Variants in RERE observed in about 807,000 individuals in gnomAD.
RERE encodes the protein arginine-glutamic acid dipeptide repeats protein.
A neutral mutation model predicts 146.1 loss-of-function variants in RERE; 40 were observed. The observed-to-expected ratio is 0.27, with a 90% CI of 0.21 to 0.36. The LOEUF (loss-of-function observed/expected upper bound fraction) is 0.36, where lower values mean the gene tolerates loss of function less well. RERE is among the 10% of genes least tolerant of loss of function. The pLI is 1.00. For synonymous variants in RERE, 1,003 were observed against 866.0 expected (o/e 1.16, Z -2.78); for missense variants, 1,933 against 2,138.7 (o/e 0.90, Z 1.90).
rs987115689 is a variant in RERE at position 8,690,820 on chromosome 1, A to G, written c.-144-34379T>C. Among the ~76,000 whole-genome samples the G allele has an allele frequency of 3.3e-5, 5 of 152,358 alleles. No individual in the cohort carries two copies. In the East Asian group the frequency reaches 9.6e-4, roughly 29 times the overall value. ...GATGAAACCATGAATGAGCTGCTAC[A>G]TAAAAGTATGTATTCATGTTCATTT... is the stretch of plus-strand genomic sequence containing the variant. On this transcript the variant is annotated intron_variant, in intron 1 of 22. Coordinates refer to ENST00000400908, the MANE Select transcript of RERE (RefSeq NM_001042681.2).
At chr1:8,404,310 G>A (rs749454121) in intron 12 of RERE, among the ~76,000 whole-genome samples, 8 of 152,008 alleles carry the variant, frequency 5.3e-5, no homozygotes, top group African/African-American at 1.4e-4. Context: ...CCAGGTACTC[G>A]GAGAGGCTGA....
chr1:8,416,539 C>T (rs530731628), intron 12 of RERE, among the ~76,000 whole-genome samples: 21 of 141,642 alleles, frequency 1.5e-4, no homozygotes, highest in African/African-American at 5.0e-4. Flanking sequence ...TGAGCCGAGA[C>T]TGCATAACTG....
rs74564658 is a variant in RERE, at chr1:8,579,766, G to T, written c.523-22243C>A. Among the ~76,000 whole-genome samples the T allele has an allele frequency of 5.7e-3, 866 of 152,368 alleles. 47 individuals carry two copies. In the East Asian group the frequency reaches 0.13, roughly 24 times the overall value. On this transcript the variant is annotated intron_variant, in intron 4 of 22. Transcript: ENST00000400908. ...CGCCTGTAATCCCAACACTCTGGGAGGCCAAGGCAGGTGGCTCACCGGAGG... is the reference window on the plus strand; with the variant it reads ...CGCCTGTAATCCCAACACTCTGGGATGCCAAGGCAGGTGGCTCACCGGAGG...
intron 8 of RERE, among the ~76,000 whole-genome samples, chr1:8,508,365 A>C (rs1163137546): frequency 1.3e-5 from 2 of 152,210 alleles, no homozygotes; most frequent in African/African-American, 2.4e-5. Context: ...TCAGTTTTGC[A>C]AGATAGAAAG....
chr1:8,483,803 A>C (rs1644864989), intron 10 of RERE, among the ~76,000 whole-genome samples: 1 of 152,234 alleles, frequency 6.6e-6, no homozygotes, highest in Non-Finnish European at 1.5e-5. Context: ...ATAAATAAGC[A>C]AACAAACATG....
chr1:8,488,172 T>G (rs1557654581), intron 10 of RERE, among the ~76,000 whole-genome samples: 1 of 152,090 alleles, frequency 6.6e-6, no homozygotes, highest in East Asian at 1.9e-4. Context: ...ATTGTTAGGA[T>G]GTCAGTATTT....
At chr1:8,744,743 C>A (rs1461799421) in intron 1 of RERE, among the ~76,000 whole-genome samples, 1 of 152,166 alleles carries the variant, frequency 6.6e-6, no homozygotes. Context: ...TTCTACACTG[C>A]ATTTTGTGGT....
chr1:8,738,556 T>C (rs1003564081), intron 1 of RERE, among the ~76,000 whole-genome samples: 8 of 151,856 alleles, frequency 5.3e-5, no homozygotes, highest in African/African-American at 1.9e-4. Flanking sequence ...TCCCCACCCC[T>C]CAAGGCAGAG....
intron 6 of RERE, 44 bp downstream of exon 6, chr1:8,556,431 A>T: frequency 8.9e-7 from 1 of 1,128,858 alleles, no homozygotes; most frequent in South Asian, 1.2e-5. Flanking sequence ...TCCTGCACTC[A>T]GTGACTCCTC....
intron 1 of RERE, among the ~76,000 whole-genome samples, chr1:8,749,125 G>C (rs1337093538): frequency 6.6e-6 from 1 of 152,036 alleles, no homozygotes; most frequent in Non-Finnish European, 1.5e-5. Flanking sequence ...TTTGGATAAA[G>C]AATTGAAGAG....
chr1:8,365,409 A>C (rs1641766346), intron 13 of RERE, among the ~76,000 whole-genome samples: 1 of 152,204 alleles, frequency 6.6e-6, no homozygotes, highest in Admixed American at 6.5e-5. Context: ...AGGAGGAAAA[A>C]GAAGAAAGTG....
At chr1:8,488,733 T>C (rs768735667) in intron 10 of RERE, among the ~76,000 whole-genome samples, 4 of 151,700 alleles carry the variant, frequency 2.6e-5, no homozygotes, top group Admixed American at 6.6e-5. Flanking sequence ...TGAGACAGAA[T>C]AGAATCCAGA....
intron 11 of RERE, among the ~76,000 whole-genome samples, chr1:8,434,029 A>G (rs1644133908): frequency 6.6e-6 from 1 of 152,168 alleles, no homozygotes; most frequent in African/African-American, 2.4e-5. Flanking sequence ...AGGTAGATCT[A>G]ATATAATCCT....
At chr1:8,805,232 G>A (rs1027253945) in intron 1 of RERE, among the ~76,000 whole-genome samples, 1 of 151,906 alleles carries the variant, frequency 6.6e-6, no homozygotes, top group Non-Finnish European at 1.5e-5. Flanking sequence ...ATTTTGGGGG[G>A]CCAGGCGCAA....
chr1:8,557,480 C>T lies in RERE; in HGVS notation c.566G>A (p.Arg189His). 1 of 1,613,582 alleles carries T rather than the reference C, an allele frequency of 6.2e-7. No homozygotes were observed. Among genetic ancestry groups the T allele is most frequent in the Non-Finnish European group, 8.5e-7 (1 of 1,179,522 alleles). ...CACAGAATCTGGAACCTCAGATTGA[C>T]GGTAGTACCATTTGACGTTCATGAG... ...HLLMNVKWYY[R>H]QSEVPDSVYQ... Residue 189 changes from arginine (R) to histidine (H), a missense_variant, in exon 5 of 23, where the codon CGT becomes CAT. Coordinates refer to ENST00000400908, the MANE Select transcript of RERE (RefSeq NM_001042681.2).
rs540087060 is a variant in RERE, at chr1:8,697,200, C to T, written c.-144-40759G>A. Among the ~76,000 whole-genome samples, 21 of 152,236 alleles carry T rather than the reference C, an allele frequency of 1.4e-4. 1 individual carries two copies. In the East Asian group the frequency reaches 3.5e-3, roughly 25 times the overall value. The stretch of plus-strand genomic sequence containing the variant: ...TAGGTAAATAGCCAAAAAACATACA[C>T]ATAAGATGAAAACTTGTCTGCGTCA... On this transcript the variant is annotated intron_variant, in intron 1 of 22. Coordinates refer to ENST00000400908, the MANE Select transcript of RERE (RefSeq NM_001042681.2).
chr1:8,370,903 C>A (rs564234155), intron 12 of RERE, among the ~76,000 whole-genome samples: 31 of 152,330 alleles, frequency 2.0e-4, no homozygotes, highest in African/African-American at 7.2e-4. Flanking sequence ...GGCAGCCTTG[C>A]AAATTAGCTC....
intron 10 of RERE, among the ~76,000 whole-genome samples, chr1:8,491,246 GC>G (rs1432308904): frequency 6.3e-5 from 9 of 143,924 alleles, no homozygotes; most frequent in African/African-American, 2.7e-4. Flanking sequence ...TTCGAGACCA[GC>G]CTGACCAACA....
intron 1 of RERE, among the ~76,000 whole-genome samples, chr1:8,708,072 C>T (rs189421734): frequency 7.1e-4 from 108 of 152,086 alleles, no homozygotes; most frequent in Admixed American, 6.9e-3. Flanking sequence ...CAGGAACCCA[C>T]GGGGGCCTTG....
Sources: gnomAD v4.1 joint callset for allele counts (sites outside exome capture counted in the v4.1 genomes callset) on GRCh38, gnomAD v4.1.1 for gene constraint, MANE v1.5 for transcripts, NCBI Gene and HGNC (gene_info 2026-07-23, HGNC 2026-07-21) for gene names.